STK3: variants seen among roughly 807,000 people sequenced by gnomAD.
STK3 encodes serine/threonine-protein kinase 3.
In STK3, 41 loss-of-function variants were observed where a neutral mutation model predicts 58.0. That is an observed-to-expected ratio of 0.71 (90% confidence interval 0.55 to 0.92). STK3 has a LOEUF of 0.92. Ranked by LOEUF, STK3 falls within the 40% of genes least tolerant of loss-of-function variation. The pLI, the probability that STK3 is intolerant of heterozygous loss-of-function variation, is 0.00. For synonymous variants in STK3, 170 were observed against 191.0 expected (o/e 0.89, Z 0.91); for missense variants, 479 against 602.7 (o/e 0.79, Z 2.15).
chr8:98,427,396 G>T (rs1328017270), intron 3 of STK3: 1 of 152,122 alleles, frequency 6.6e-6, no homozygotes, highest in African/African-American at 2.4e-5. Context: ...AGCGCACGCG[G>T]CCCCGGGGCA....
chr8:98,663,450 G>A (rs1251088931), intron 6 of STK3, among the ~76,000 whole-genome samples: 1 of 152,214 alleles, frequency 6.6e-6, no homozygotes, highest in Non-Finnish European at 1.5e-5. Flanking sequence ...AACCACTGTG[G>A]AAGTCAGTGT....
Position 98,551,976 on chromosome 8 carries a change from A to C in STK3, c.949-3815T>G, listed in dbSNP as rs1811208352. On this transcript the variant is annotated intron_variant, in intron 8 of 10. Transcript: ENST00000419617. Reference sequence around the variant, plus strand: ...CCACAGAAAATAAGAGACTTCCCTAAGGTCACACACCTACTTAAAAGTAGG... The same window carrying C: ...CCACAGAAAATAAGAGACTTCCCTACGGTCACACACCTACTTAAAAGTAGG... Among the ~76,000 whole-genome samples the C allele has an allele frequency of 1.3e-5, 2 of 152,094 alleles. 1 individual carries two copies. Among genetic ancestry groups the C allele is most frequent in the South Asian group, 4.1e-4 (2 of 4,824 alleles).
chr8:98,905,726 C>T, intron 1 of STK3: 1 of 581,632 alleles, frequency 1.7e-6, no homozygotes. Context: ...TCAGAGAGAA[C>T]CCTACAAAAT....
intron 6 of STK3, among the ~76,000 whole-genome samples, chr8:98,617,561 G>A (rs529477079): frequency 8.4e-4 from 127 of 151,646 alleles, no homozygotes; most frequent in South Asian, 1.7e-3. Flanking sequence ...TTGATAGACC[G>A]CTAGCAAGAC....
downstream of STK3, chr8:98,883,662 T>G (rs1348261391): frequency 4.3e-6 from 3 of 702,908 alleles, no homozygotes; most frequent in African/African-American, 1.7e-5. Flanking sequence ...TTGCTTGTTT[T>G]CTTCTCCTTG....
rs192231718 is a variant in STK3, at chr8:98,767,386, G to A, written c.108-15C>T. ...TTCCATAAGACCTAAAAGAAACCAA[G>A]ACATTATTTTTTTCCTATCAAACAT... On this transcript the variant is annotated splice_polypyrimidine_tract_variant and intron_variant, in intron 2 of 10. Coordinates refer to ENST00000419617, the MANE Select transcript of STK3 (RefSeq NM_006281.4). 1 of 1,572,534 alleles carries A rather than the reference G, an allele frequency of 6.4e-7. No homozygotes were observed. Among genetic ancestry groups the A allele is most frequent in the South Asian group, 1.2e-5 (1 of 83,286 alleles).
rs1382267490 is a variant in STK3 at position 98,454,692 on chromosome 8, A to T, written c.*1150T>A. On this transcript the variant is annotated 3_prime_UTR_variant, in exon 11 of 11. Coordinates refer to ENST00000419617, the MANE Select transcript of STK3 (RefSeq NM_006281.4). ...TGATTTACACATAATAATTAAACACACAAAAGAAAAAACACTGTCAAGATG... is the reference window on the plus strand; with the variant it reads ...TGATTTACACATAATAATTAAACACTCAAAAGAAAAAACACTGTCAAGATG... 2 of 152,670 alleles carry T rather than the reference A, an allele frequency of 1.3e-5. No homozygotes were observed. The highest frequency in any genetic ancestry group is 1.5e-5 in the Non-Finnish European group (1 of 68,040). The allele number at this position is 152,670 out of a possible 1,614,324, so 9.5% of individuals were successfully genotyped here.
intron 3 of STK3, among the ~76,000 whole-genome samples, chr8:98,865,188 C>A (rs944385183): frequency 2.0e-5 from 3 of 152,164 alleles, no homozygotes; most frequent in African/African-American, 7.2e-5. Flanking sequence ...ACCAGGAGTT[C>A]AGGACCAGAC....
chr8:98,766,843 C>A (rs1358171425), intron 3 of STK3, among the ~76,000 whole-genome samples: 1 of 152,164 alleles, frequency 6.6e-6, no homozygotes, highest in Non-Finnish European at 1.5e-5. Context: ...GAAAACTAGG[C>A]CAGGCATGGT....
At chr8:98,730,114 G>T (rs1828069469) in intron 4 of STK3, among the ~76,000 whole-genome samples, 1 of 152,150 alleles carries the variant, frequency 6.6e-6, no homozygotes, top group East Asian at 1.9e-4. Context: ...TCTGTCACTG[G>T]AGTTGAGAAC....
At chr8:98,501,143 C>T (rs950487908) in intron 10 of STK3, among the ~76,000 whole-genome samples, 2 of 151,970 alleles carry the variant, frequency 1.3e-5, no homozygotes, top group African/African-American at 4.8e-5. Context: ...CTTTGATTTG[C>T]GTTTCTCTAA....
At chr8:98,804,573 A>T (rs1833789173) in intron 1 of STK3, among the ~76,000 whole-genome samples, 1 of 152,198 alleles carries the variant, frequency 6.6e-6, no homozygotes, top group Non-Finnish European at 1.5e-5. Flanking sequence ...TTTAAGGTAG[A>T]TATCCTTTTG....
intron 4 of STK3, among the ~76,000 whole-genome samples, chr8:98,747,418 A>T (rs1017489981): frequency 3.3e-5 from 5 of 152,144 alleles, no homozygotes; most frequent in Admixed American, 2.0e-4. Context: ...TACTAGAGTG[A>T]GTTTTACACC....
rs1829759713 is a variant in STK3 at position 98,748,147 on chromosome 8, A to T, written c.351+1129T>A. On this transcript the variant is annotated intron_variant, in intron 4 of 10. Coordinates refer to ENST00000419617, the MANE Select transcript of STK3 (RefSeq NM_006281.4). ...ATTTCACACACTACTTCATATTCCT[A>T]CCTGATAACTTTAAATACCAAATGC... is the stretch of plus-strand genomic sequence containing the variant. Among the ~76,000 whole-genome samples the T allele has an allele frequency of 3.9e-5, 6 of 152,316 alleles. No individual in the cohort carries two copies. The South Asian group carries it at 1.2e-3, about 32-fold the overall frequency.
At chr8:98,737,955 C>G (rs531936930) in intron 4 of STK3, among the ~76,000 whole-genome samples, 2 of 152,278 alleles carry the variant, frequency 1.3e-5, no homozygotes, top group South Asian at 4.1e-4. Context: ...GGTGATCCAC[C>G]TGCCTTGGCC....
chr8:98,349,723 C>T, the STK3 span, among the ~76,000 whole-genome samples: 13 of 152,214 alleles, frequency 8.5e-5, no homozygotes, highest in African/African-American at 2.2e-4. Context: ...GCAGGCTCAA[C>T]ACCACAAGGC....
chr8:98,653,534 GA>G (rs1156749588), intron 6 of STK3, among the ~76,000 whole-genome samples: 2 of 152,080 alleles, frequency 1.3e-5, no homozygotes, highest in Non-Finnish European at 2.9e-5. Flanking sequence ...AAAAATTAAT[GA>G]ATTCAGGAGC....
rs868159656 is a variant in STK3 at position 98,479,491 on chromosome 8, G to A, written c.1318-23491C>T. On this transcript the variant is annotated intron_variant, in intron 10 of 10. Transcript: ENST00000419617. ...GACAGAGCAACACTCCGTCTCGGGG[G>A]GGGGGGGGGGGCGGGAAAGGTGAAG... Among the ~76,000 whole-genome samples, 10 of 94,504 alleles carry A rather than the reference G, an allele frequency of 1.1e-4. No homozygotes were observed. The South Asian group carries it at 1.4e-3, about 13-fold the overall frequency. 62.0% of individuals were successfully genotyped at this position (94,504 alleles called of 152,430 possible).
chr8:98,913,561 T>G (rs188617217), intron 1 of STK3, among the ~76,000 whole-genome samples: 1 of 152,258 alleles, frequency 6.6e-6, no homozygotes, highest in Admixed American at 6.5e-5. Flanking sequence ...TCCAGACTCC[T>G]TGGGACAAGG....
Sources: allele counts gnomAD v4.1 joint callset (sites outside exome capture counted in the v4.1 genomes callset), GRCh38; gene constraint gnomAD v4.1.1; transcripts MANE v1.5; gene names NCBI Gene and HGNC (gene_info 2026-07-23, HGNC 2026-07-21).